Variants in LRRIQ1 observed in about 807,000 individuals in gnomAD.
LRRIQ1 encodes leucine rich repeats and IQ motif containing 1, also known as leucine-rich repeat- and IQ domain-containing protein 1.
In LRRIQ1, 210 loss-of-function variants were observed where a neutral mutation model predicts 211.9. The observed-to-expected ratio is 0.99, with a 90% CI of 0.89 to 1.11. The LOEUF (loss-of-function observed/expected upper bound fraction) is 1.11. LRRIQ1 is among the 50% of genes most tolerant of loss of function. LRRIQ1 has a pLI of 0.00. For missense variants in LRRIQ1, 2,136 were observed against 1,939.5 expected, an observed-to-expected ratio of 1.10 and a Z score of -1.90; for synonymous variants, 699 against 650.1, an observed-to-expected ratio of 1.08 and a Z score of -1.14.
Position 85,082,556 on chromosome 12 carries a change from G to A in LRRIQ1, c.2887+9458G>A, listed in dbSNP as rs955910559. 2.7e-4 allele frequency among the ~76,000 whole-genome samples: 41 copies of A among 151,838 alleles called. 1 individual carries two copies. The highest frequency in any genetic ancestry group is 5.0e-4 in the Non-Finnish European group (34 of 67,980). On this transcript the variant is annotated intron_variant, in intron 11 of 26. Coordinates refer to ENST00000393217, the MANE Select transcript of LRRIQ1 (RefSeq NM_001079910.2). ...ATTTATTTTTATATCCTTGACTCTA[G>A]GCTTCATGTTGCCTGTATTCTATAT...
intron 11 of LRRIQ1, among the ~76,000 whole-genome samples, chr12:85,085,085 T>C (rs537285814): frequency 6.6e-6 from 1 of 152,306 alleles, no homozygotes; most frequent in African/African-American, 2.4e-5. Context: ...TTTACTAAGA[T>C]GAGACATAGT....
intron 1 of LRRIQ1, among the ~76,000 whole-genome samples, chr12:85,261,290 T>C (rs1272591430): frequency 3.3e-5 from 5 of 152,208 alleles, no homozygotes; most frequent in African/African-American, 1.2e-4. Context: ...ATTCCCTGTA[T>C]GGAGGTTCAT....
rs1259786334 is a variant in LRRIQ1, at chr12:85,183,496, AT to A, written c.4822+22790del. On this transcript the variant is annotated intron_variant, in intron 24 of 26. Coordinates refer to ENST00000393217, the MANE Select transcript of LRRIQ1 (RefSeq NM_001079910.2). ...CTCATTTTGCCCCAAATTCTCCTTG[AT>A]TTTTTTTCAGTTTCATCATCATACC... Among the ~76,000 whole-genome samples the A allele has an allele frequency of 3.3e-5, 5 of 151,732 alleles. No homozygotes were observed. The East Asian group carries it at 9.6e-4, about 29-fold the overall frequency.
chr12:85,272,577 T>C, the LRRIQ1 span, among the ~76,000 whole-genome samples: 4 of 152,200 alleles, frequency 2.6e-5, no homozygotes, highest in African/African-American at 4.8e-5. Flanking sequence ...AATGTATTCT[T>C]TAAAGCCTTT....
intron 13 of LRRIQ1, 111 bp from the exon 14 acceptor site, chr12:85,103,893 G>A: frequency 2.3e-6 from 1 of 430,700 alleles, no homozygotes; most frequent in Admixed American, 4.1e-5. Flanking sequence ...TGTATAAAAT[G>A]TGTATAATTA....
chr12:85,217,624 ATATG>A (rs1240026712), intron 24 of LRRIQ1, among the ~76,000 whole-genome samples: 31 of 138,852 alleles, frequency 2.2e-4, no homozygotes, highest in African/African-American at 7.6e-4. Flanking sequence ...ATATATGTAT[ATATG>A]TATATATGTA....
intron 4 of LRRIQ1, 79 bp downstream of exon 4, chr12:85,044,888 C>G: frequency 3.5e-6 from 2 of 570,740 alleles, no homozygotes; most frequent in South Asian, 6.1e-5. Context: ...TGATACTTCA[C>G]TGATTTTAAG....
intron 11 of LRRIQ1, among the ~76,000 whole-genome samples, chr12:85,078,943 T>G (rs1298058204): frequency 6.6e-6 from 1 of 152,176 alleles, no homozygotes; most frequent in African/African-American, 2.4e-5. Flanking sequence ...CAAAGAGTTA[T>G]ACTGGGAAGA....
At chr12:85,145,835 A>G (rs1889857963) in intron 19 of LRRIQ1, among the ~76,000 whole-genome samples, 1 of 151,814 alleles carries the variant, frequency 6.6e-6, no homozygotes, top group Non-Finnish European at 1.5e-5. Context: ...TTTTATGAAC[A>G]TCTTTGGAAA....
intron 13 of LRRIQ1, 69 bp downstream of exon 13, chr12:85,099,063 T>G: frequency 9.2e-7 from 1 of 1,092,082 alleles, no homozygotes; most frequent in East Asian, 2.9e-5. Flanking sequence ...GTTCATAAAC[T>G]ACCATAAAAG....
At position 85,134,382 on chromosome 12, in the gene LRRIQ1, A is replaced by G. The variant is rs961773810; in HGVS notation, c.4210-3468A>G. ...TTTTTGTCCATAGCATTTATTTAGC[A>G]TACAGTTTAGTTCCCTTGTGTATTT... On this transcript the variant is annotated intron_variant, in intron 18 of 26. Transcript: ENST00000393217. 3.3e-5 allele frequency among the ~76,000 whole-genome samples: 5 copies of G among 152,108 alleles called. 1 individual carries two copies. Among genetic ancestry groups the G allele is most frequent in the African/African-American group, 2.4e-5 (1 of 41,438 alleles).
In LRRIQ1 at chr12:85,198,044, TA is replaced by T. The variant is rs1472325754; in HGVS notation, c.4823-31472del. On this transcript the variant is annotated intron_variant, in intron 24 of 26. Coordinates refer to ENST00000393217, the MANE Select transcript of LRRIQ1 (RefSeq NM_001079910.2). ...ATTATTATATATAACATATATAATA[TA>T]TTATATAATTATATATAACATATTA... 1.1e-3 allele frequency among the ~76,000 whole-genome samples: 55 copies of T among 51,410 alleles called. No individual in the cohort carries two copies. In the African/African-American group the frequency reaches 0.013, roughly 12 times the overall value. 33.7% of individuals were successfully genotyped at this position (51,410 alleles called of 152,430 possible).
intron 24 of LRRIQ1, among the ~76,000 whole-genome samples, chr12:85,181,542 G>A (rs1314629593): frequency 1.3e-5 from 2 of 151,718 alleles, no homozygotes; most frequent in African/African-American, 2.4e-5. Flanking sequence ...ATTACTATTT[G>A]AACATTAGTG....
chr12:85,056,724 A>G lies in LRRIQ1; in HGVS notation c.1931A>G (p.Glu644Gly). ...EIYSKSKEIE[E>G]NPKDNAWNSG... ...TATTCAAAATCCAAAGAAATTGAGG[A>G]GAACCCAAAAGACAATGCTTGGAAT... Residue 644 changes from glutamate to glycine, a missense_variant, in exon 8 of 27, where the codon GAG becomes GGG. By Grantham distance (98) the Glu-to-Gly change is moderately conservative. Coordinates refer to ENST00000393217, the MANE Select transcript of LRRIQ1 (RefSeq NM_001079910.2). The G allele has an allele frequency of 6.2e-7, 1 of 1,606,584 alleles. No individual in the cohort carries two copies. Among genetic ancestry groups the G allele is most frequent in the Non-Finnish European group, 8.5e-7 (1 of 1,178,060 alleles).
chr12:85,130,136 A>G (rs1270029825), intron 18 of LRRIQ1, among the ~76,000 whole-genome samples: 1 of 152,154 alleles, frequency 6.6e-6, no homozygotes, highest in Non-Finnish European at 1.5e-5. Flanking sequence ...CTTTCAAGAG[A>G]AACACCTTTG....
intron 10 of LRRIQ1, among the ~76,000 whole-genome samples, chr12:85,068,380 G>A (rs1007113523): frequency 4.6e-5 from 7 of 151,728 alleles, no homozygotes; most frequent in African/African-American, 1.7e-4. Flanking sequence ...TGTATATTTT[G>A]TTTTTTCTTC....
intron 8 of LRRIQ1, among the ~76,000 whole-genome samples, chr12:85,057,956 A>G (rs932349015): frequency 6.6e-6 from 1 of 152,060 alleles, no homozygotes; most frequent in African/African-American, 2.4e-5. Flanking sequence ...ACAGATGCCT[A>G]GGAGAAAGAA....
At chr12:85,153,964 A>G in intron 22 of LRRIQ1, 48 bp from the exon 23 acceptor site, 2 of 1,265,758 alleles carry the variant, frequency 1.6e-6, no homozygotes, top group Non-Finnish European at 1.1e-6. Flanking sequence ...ATATCTAAAT[A>G]TGATCCGGGT....
At chr12:85,175,167 G>T (rs1389200802) in intron 24 of LRRIQ1, among the ~76,000 whole-genome samples, 1 of 152,112 alleles carries the variant, frequency 6.6e-6, no homozygotes, top group African/African-American at 2.4e-5. Flanking sequence ...TGCTCAGAAA[G>T]CTACTGAGGG....
Sources: gnomAD v4.1 joint callset for allele counts (sites outside exome capture counted in the v4.1 genomes callset) on GRCh38, gnomAD v4.1.1 for gene constraint, MANE v1.5 for transcripts, NCBI Gene and HGNC (gene_info 2026-07-23, HGNC 2026-07-21) for gene names.